Variants in ZNF10 observed in about 807,000 individuals in gnomAD.
ZNF10 encodes the protein zinc finger protein 10.
In ZNF10, 8 loss-of-function variants were observed where a neutral mutation model predicts 12.2. That is an observed-to-expected ratio of 0.66 (90% CI 0.39 to 1.18). The LOEUF is 1.18. Ranked by LOEUF, ZNF10 falls within the 50% of genes most tolerant of loss-of-function variation. The pLI, the probability that ZNF10 is intolerant of heterozygous loss-of-function variation, is 0.01. For missense variants in ZNF10, 603 were observed against 678.9 expected (o/e 0.89, Z 1.24); for synonymous variants, 229 against 228.2 (o/e 1.00, Z -0.03).
chr12:133,149,991 A>C (rs1340657859), intron 2 of ZNF10, among the ~76,000 whole-genome samples: 1 of 152,212 alleles, frequency 6.6e-6, no homozygotes, highest in Non-Finnish European at 1.5e-5. Flanking sequence ...GCCTTACAAC[A>C]TGTGGGTCCC....
Position 133,159,156 on chromosome 12 carries a change from G to A in ZNF10, c.*2188G>A, listed in dbSNP as rs1233654581. On this transcript the variant is annotated 3_prime_UTR_variant, in exon 5 of 5. Coordinates refer to ENST00000248211, the MANE Select transcript of ZNF10 (RefSeq NM_015394.5). ...TAAAAGAGTGCCTGGCACATAGTAGGTGCCATTAATAATATTACTATTGTT... is the reference window on the plus strand; with the variant it reads ...TAAAAGAGTGCCTGGCACATAGTAGATGCCATTAATAATATTACTATTGTT... 6.6e-6 allele frequency: 1 copy of A among 152,206 alleles called. No homozygotes were observed. Among genetic ancestry groups the A allele is most frequent in the East Asian group, 1.9e-4 (1 of 5,196 alleles). The allele number at this position is 152,206 out of a possible 1,614,324, so 9.4% of individuals were successfully genotyped here.
intron 1 of ZNF10, among the ~76,000 whole-genome samples, chr12:133,136,135 CCTT>C (rs1243831867): frequency 6.6e-6 from 1 of 152,188 alleles, no homozygotes; most frequent in Non-Finnish European, 1.5e-5. Flanking sequence ...AATGAAGCAT[CCTT>C]CTTCCTTTAG....
rs1220965547 is a variant in ZNF10 at position 133,156,725 on chromosome 12, G to A, written c.1479G>A (p.Gln493=). 1 of 1,611,956 alleles carries A rather than the reference G, an allele frequency of 6.2e-7. No homozygotes were observed. Among genetic ancestry groups the A allele is most frequent in the Non-Finnish European group, 8.5e-7 (1 of 1,179,288 alleles). Residue 493 remains glutamine, a synonymous_variant, in exon 5 of 5, where the codon CAG becomes CAA. Coordinates refer to ENST00000248211, the MANE Select transcript of ZNF10 (RefSeq NM_015394.5). ...HTGEKPYECC[Q]CGKAFIRKND... ...GAGAGAAACCATATGAATGCTGTCAGTGTGGGAAAGCCTTCATCCGGAAGA... is the reference window on the plus strand; with the variant it reads ...GAGAGAAACCATATGAATGCTGTCAATGTGGGAAAGCCTTCATCCGGAAGA...
Position 133,156,682 on chromosome 12 carries a change from A to C in ZNF10, c.1436A>C (p.His479Pro). Residue 479 changes from histidine (H) to proline (P), a missense_variant, in exon 5 of 5, where the codon CAT becomes CCT. His to Pro is a moderately conservative substitution (Grantham distance 77). Coordinates refer to ENST00000248211, the MANE Select transcript of ZNF10 (RefSeq NM_015394.5). ...SFSQSSALIV[H>P]QRIHTGEKPY... ...AGCCAGAGTTCTGCCCTTATTGTGC[A>C]TCAGAGGATACACACTGGAGAGAAA... The C allele has an allele frequency of 6.2e-7, 1 of 1,614,174 alleles. No individual in the cohort carries two copies.
intron 2 of ZNF10, 109 bp from the exon 3 acceptor site, chr12:133,150,919 T>A: frequency 7.2e-7 from 1 of 1,394,482 alleles, no homozygotes; most frequent in Non-Finnish European, 9.7e-7. Context: ...GTCCATCCAC[T>A]TTACCTGCCC....
intron 1 of ZNF10, among the ~76,000 whole-genome samples, chr12:133,137,639 T>G (rs1955919944): frequency 1.3e-5 from 2 of 152,196 alleles, no homozygotes; most frequent in African/African-American, 4.8e-5. Flanking sequence ...GTAATCAAAC[T>G]CTACTGTAAA....
At position 133,156,380 on chromosome 12, in the gene ZNF10, A is replaced by G. The variant is rs904587022; in HGVS notation, c.1134A>G (p.Glu378=). The G allele has an allele frequency of 1.2e-6, 2 of 1,614,026 alleles. No homozygotes were observed. Among genetic ancestry groups the G allele is most frequent in the Admixed American group, 1.7e-5 (1 of 60,010 alleles). The change falls in exon 5 of 5, where the codon GAA becomes GAG. Residue 378 remains glutamate, a synonymous_variant. Transcript: ENST00000248211. ...QRTHTGEKPY[E]CPECGKSFRQ... is the part of the protein sequence containing the mutation. ...CACATACTGGAGAGAAACCCTATGA[A>G]TGTCCTGAATGTGGGAAATCTTTCA...
intron 1 of ZNF10, among the ~76,000 whole-genome samples, chr12:133,139,897 C>CA (rs1413711398): frequency 3.3e-5 from 5 of 151,460 alleles, no homozygotes; most frequent in African/African-American, 7.3e-5. Context: ...CCTATCGCTG[C>CA]AAAAAAAATT....
intron 1 of ZNF10, among the ~76,000 whole-genome samples, chr12:133,137,698 A>G (rs1955920414): frequency 6.6e-6 from 1 of 152,268 alleles, no homozygotes; most frequent in Non-Finnish European, 1.5e-5. Flanking sequence ...GAGGTAAGGG[A>G]TTAAATGCCT....
intron 1 of ZNF10, 182 bp downstream of exon 1, chr12:133,130,936 G>A (rs918188958): frequency 1.3e-5 from 2 of 152,342 alleles, no homozygotes; most frequent in Middle Eastern, 3.4e-3. Flanking sequence ...CGCGGCCCCG[G>A]CGTTCACGGC....
chr12:133,132,112 A>T (rs1234561905), intron 1 of ZNF10, among the ~76,000 whole-genome samples: 1 of 152,214 alleles, frequency 6.6e-6, no homozygotes, highest in Admixed American at 6.5e-5. Flanking sequence ...AAGTCTTCAC[A>T]ATAGGAAGAA....
intron 1 of ZNF10, among the ~76,000 whole-genome samples, chr12:133,136,840 G>A (rs917676334): frequency 1.3e-5 from 2 of 152,066 alleles, no homozygotes; most frequent in Non-Finnish European, 2.9e-5. Flanking sequence ...TGAGTATATA[G>A]CCAGGCAGCT....
At chr12:133,133,052 T>A (rs1955889859) in intron 1 of ZNF10, among the ~76,000 whole-genome samples, 1 of 152,224 alleles carries the variant, frequency 6.6e-6, no homozygotes, top group Non-Finnish European at 1.5e-5. Flanking sequence ...TAGAATTCTA[T>A]ATTTGTTTAG....
At chr12:133,154,177 T>C (rs1236332957) in intron 4 of ZNF10, among the ~76,000 whole-genome samples, 3 of 152,160 alleles carry the variant, frequency 2.0e-5, no homozygotes, top group Non-Finnish European at 2.9e-5. Flanking sequence ...ACCCCACTTA[T>C]GTAAGATGAA....
chr12:133,149,568 G>A (rs139655672), intron 2 of ZNF10, among the ~76,000 whole-genome samples: 2 of 151,450 alleles, frequency 1.3e-5, no homozygotes, highest in Non-Finnish European at 2.9e-5. Context: ...ATATTGCCAG[G>A]CTGGTCTTGA....
chr12:133,156,148 C>A lies in ZNF10; in HGVS notation c.902C>A (p.Ser301Tyr). ...KPYECKECGKSFSRSSHLIGH... is the reference protein window; with the variant it reads ...KPYECKECGKYFSRSSHLIGH... ...TATGAGTGTAAAGAATGTGGAAAGT[C>A]TTTCAGCCGGAGTTCTCACCTCATT... The change falls in exon 5 of 5, where the codon TCT becomes TAT. Residue 301 changes from serine to tyrosine, a missense_variant. Physicochemically the swap from Ser to Tyr is moderately radical, Grantham distance 144 (BLOSUM62 -2). Coordinates refer to ENST00000248211, the MANE Select transcript of ZNF10 (RefSeq NM_015394.5). The A allele has an allele frequency of 6.2e-7, 1 of 1,613,610 alleles. No homozygotes were observed. The highest frequency in any genetic ancestry group is 8.5e-7 in the Non-Finnish European group (1 of 1,180,026).
chr12:133,147,047 G>A (rs1029161308), intron 2 of ZNF10, among the ~76,000 whole-genome samples: 2 of 152,134 alleles, frequency 1.3e-5, no homozygotes, highest in African/African-American at 4.8e-5. Flanking sequence ...ATAGCATAAT[G>A]TATCGGAGGT....
intron 2 of ZNF10, among the ~76,000 whole-genome samples, chr12:133,148,934 T>C (rs1411606377): frequency 2.0e-5 from 3 of 151,970 alleles, no homozygotes; most frequent in Admixed American, 2.0e-4. Flanking sequence ...GTATTTTTAG[T>C]AGAGACAGGG....
chr12:133,148,310 G>A (rs960170162), intron 2 of ZNF10, among the ~76,000 whole-genome samples: 25 of 151,962 alleles, frequency 1.6e-4, no homozygotes, highest in East Asian at 7.8e-4. Context: ...TAGTAGAAAC[G>A]GCATTTCACC....
Sources: allele counts gnomAD v4.1 joint callset (sites outside exome capture counted in the v4.1 genomes callset), GRCh38; gene constraint gnomAD v4.1.1; transcripts MANE v1.5; gene names NCBI Gene and HGNC (gene_info 2026-07-23, HGNC 2026-07-21).